The following CDH12 variants were observed in gnomAD, a reference collection of about 807,000 sequenced individuals.
The protein encoded by CDH12 is cadherin-12.
Under a neutral mutation model 74.1 loss-of-function variants are expected in CDH12, and 41 were observed. The observed-to-expected ratio is 0.55, with a 90% CI of 0.43 to 0.72. The LOEUF is 0.72. Ranked by LOEUF, CDH12 falls within the 30% of genes least tolerant of loss-of-function variation. CDH12 has a pLI of 0.00. For missense variants in CDH12, 945 were observed against 977.2 expected (o/e 0.97, Z 0.44); for synonymous variants, 399 against 355.0 (o/e 1.12, Z -1.39).
At chr5:21,759,461 T>C (rs893741682) in intron 13 of CDH12, among the ~76,000 whole-genome samples, 9 of 151,856 alleles carry the variant, frequency 5.9e-5, no homozygotes, top group Admixed American at 4.6e-4. Flanking sequence ...CATGATGGCA[T>C]TGGTGGTGGC....
At chr5:22,238,096 T>C (rs1561245901) in intron 3 of CDH12, among the ~76,000 whole-genome samples, 2 of 152,174 alleles carry the variant, frequency 1.3e-5, no homozygotes, top group Non-Finnish European at 2.9e-5. Context: ...CTGTTCTGAA[T>C]GCCAACTCCT....
chr5:22,764,168 T>C (rs1373429615), intron 1 of CDH12, among the ~76,000 whole-genome samples: 2 of 151,904 alleles, frequency 1.3e-5, no homozygotes, highest in African/African-American at 4.8e-5. Flanking sequence ...ACAGATTCTT[T>C]AATTGTTTTG....
chr5:22,397,152 G>C (rs568479573), intron 3 of CDH12, among the ~76,000 whole-genome samples: 1 of 152,124 alleles, frequency 6.6e-6, no homozygotes, highest in Admixed American at 6.6e-5. Flanking sequence ...GTAGCCGGTG[G>C]AATGCAAAAA....
chr5:21,843,940 T>C (rs911997939), intron 7 of CDH12, among the ~76,000 whole-genome samples: 1 of 152,168 alleles, frequency 6.6e-6, no homozygotes, highest in African/African-American at 2.4e-5. Context: ...CTATCTTAAT[T>C]CATTTTCAAT....
chr5:22,082,890 A>G (rs888905915), intron 4 of CDH12, among the ~76,000 whole-genome samples: 1 of 152,150 alleles, frequency 6.6e-6, no homozygotes, highest in Admixed American at 6.5e-5. Flanking sequence ...CCAGATTTTT[A>G]TGCATTTCTC....
chr5:22,157,912 GT>G (rs967747355), intron 4 of CDH12, among the ~76,000 whole-genome samples: 11 of 150,966 alleles, frequency 7.3e-5, no homozygotes, highest in South Asian at 2.1e-4. Flanking sequence ...ATTCCAATAT[GT>G]TTTTTTTTCC....
At chr5:22,556,085 T>A (rs1270480324) in intron 1 of CDH12, among the ~76,000 whole-genome samples, 1 of 151,920 alleles carries the variant, frequency 6.6e-6, no homozygotes, top group East Asian at 1.9e-4. Flanking sequence ...AAGAATGAAA[T>A]ATTTTTCTAC....
chr5:22,193,143 T>C (rs1265959244), intron 4 of CDH12, among the ~76,000 whole-genome samples: 1 of 152,350 alleles, frequency 6.6e-6, no homozygotes, highest in South Asian at 2.1e-4. Flanking sequence ...GCCCTACATA[T>C]GTCTTTTTGT....
chr5:22,265,929 C>T (rs1441390306), intron 3 of CDH12, among the ~76,000 whole-genome samples: 1 of 152,004 alleles, frequency 6.6e-6, no homozygotes, highest in Non-Finnish European at 1.5e-5. Flanking sequence ...TTCTTTTAGT[C>T]TCTGGGCTGA....
intron 5 of CDH12, among the ~76,000 whole-genome samples, chr5:21,980,148 TA>T (rs200704666): frequency 0.12 from 16,768 of 140,554 alleles, 2,632 homozygotes; most frequent in African/African-American, 0.36. Context: ...TAAAGTATAA[TA>T]AAAAAAAAAA....
At chr5:22,372,959 C>T (rs1203183033) in intron 3 of CDH12, among the ~76,000 whole-genome samples, 2 of 152,274 alleles carry the variant, frequency 1.3e-5, no homozygotes, top group African/African-American at 4.8e-5. Context: ...CAGTAAGCTA[C>T]TCCTACTGCA....
chr5:22,386,536 A>G lies in CDH12; in HGVS notation c.-333+18721T>C, dbSNP rs578158322. On this transcript the variant is annotated intron_variant, in intron 3 of 14. Transcript: ENST00000382254. ...TCTTGCCTGTTTAATTCCATCTAGA[A>G]CAATTTTACATTGACATTTTCTAAA... Among the ~76,000 whole-genome samples the G allele has an allele frequency of 6.6e-5, 10 of 152,260 alleles. No individual in the cohort carries two copies. In the South Asian group the frequency reaches 2.1e-3, roughly 32 times the overall value.
At chr5:22,662,356 G>A (rs1014201184) in intron 1 of CDH12, among the ~76,000 whole-genome samples, 2 of 152,116 alleles carry the variant, frequency 1.3e-5, no homozygotes, top group Admixed American at 1.3e-4. Context: ...GAAGTGGAGT[G>A]GAGGCTGCCT....
chr5:22,416,953 T>A (rs1561387260), intron 2 of CDH12, among the ~76,000 whole-genome samples: 1 of 152,192 alleles, frequency 6.6e-6, no homozygotes, highest in South Asian at 2.1e-4. Flanking sequence ...ATTATAGCCA[T>A]GGGCTAAAGA....
chr5:21,972,881 A>G (rs1456412037), intron 6 of CDH12, among the ~76,000 whole-genome samples: 4 of 151,910 alleles, frequency 2.6e-5, no homozygotes, highest in Non-Finnish European at 5.9e-5. Flanking sequence ...TTTCACATTC[A>G]AAAGAAATAC....
chr5:22,426,154 T>C (rs1743927104), intron 2 of CDH12, among the ~76,000 whole-genome samples: 1 of 143,670 alleles, frequency 7.0e-6, no homozygotes. Flanking sequence ...ACCACTGCAC[T>C]CCAGCCTGGT....
At chr5:21,765,800 T>C (rs17261646) in intron 11 of CDH12, among the ~76,000 whole-genome samples, 1 of 152,080 alleles carries the variant, frequency 6.6e-6, no homozygotes. Flanking sequence ...TATGGATTAT[T>C]ATCTGGATCT....
At chr5:22,336,823 A>G (rs761127895) in intron 3 of CDH12, among the ~76,000 whole-genome samples, 5 of 152,176 alleles carry the variant, frequency 3.3e-5, no homozygotes, top group African/African-American at 4.8e-5. Context: ...CAGAGTCCCT[A>G]TTGGGGCACT....
chr5:22,577,631 GA>G (rs973438161), intron 1 of CDH12, among the ~76,000 whole-genome samples: 12 of 152,162 alleles, frequency 7.9e-5, no homozygotes, highest in African/African-American at 2.9e-4. Context: ...GCAGTTAATG[GA>G]ATGGTGAGAA....
Sources: gnomAD v4.1 joint callset for allele counts (sites outside exome capture counted in the v4.1 genomes callset) on GRCh38, gnomAD v4.1.1 for gene constraint, MANE v1.5 for transcripts, NCBI Gene and HGNC (gene_info 2026-07-23, HGNC 2026-07-21) for gene names.